The following DMD variants were observed in gnomAD, a reference collection of about 807,000 sequenced individuals.
DMD encodes dystrophin.
Under a neutral mutation model 330.1 loss-of-function variants are expected in DMD, and 63 were observed. That is an observed-to-expected ratio of 0.19 (90% CI 0.16 to 0.24). The LOEUF is 0.24. DMD is among the 10% of genes least tolerant of loss of function. The pLI is 1.00. For synonymous variants in DMD, 1,223 were observed against 959.8 expected (o/e 1.27, Z -5.07); for missense variants, 3,344 against 2,684.1 (o/e 1.25, Z -5.43).
intron 63 of DMD, among the ~76,000 whole-genome samples, chrX:31,231,398 G>A (rs1453139819): frequency 9.0e-6 from 1 of 111,432 alleles, no homozygotes; most frequent in Non-Finnish European, 1.9e-5. Context: ...TCTTTAGGCA[G>A]AACTGTTTTA....
At chrX:32,896,793 A>G (rs1444951409) in intron 2 of DMD, among the ~76,000 whole-genome samples, 1 of 112,692 alleles carries the variant, frequency 8.9e-6, no homozygotes, top group Non-Finnish European at 1.9e-5. Flanking sequence ...GCCACATTAA[A>G]TGCATTATCA....
At chrX:31,240,486 T>A in intron 63 of DMD, among the ~76,000 whole-genome samples, 1 of 111,682 alleles carries the variant, frequency 9.0e-6, no homozygotes, top group Admixed American at 9.5e-5. Context: ...AATGATTGAG[T>A]ATTAAATCTA....
intron 63 of DMD, among the ~76,000 whole-genome samples, chrX:31,242,764 C>T (rs12389886): frequency 0.23 from 24,853 of 107,257 alleles, 2,261 homozygotes; most frequent in East Asian, 0.47. Context: ...TATAAGCCTT[C>T]AGTCATTCCA....
At chrX:32,519,485 G>C (rs140138872) in intron 17 of DMD, among the ~76,000 whole-genome samples, 1,671 of 110,894 alleles carry the variant, frequency 0.015, 37 homozygotes, top group African/African-American at 0.052. Context: ...TGTTATCTTA[G>C]TTTCCTTAAA....
At chrX:32,474,218 C>CACACAA (rs1489919738) in intron 21 of DMD, among the ~76,000 whole-genome samples, 3 of 109,620 alleles carry the variant, frequency 2.7e-5, no homozygotes, top group African/African-American at 9.9e-5. Context: ...TACACACACA[C>CACACAA]ACACACACAC....
chrX:32,428,535 A>C (rs748001414), intron 29 of DMD, among the ~76,000 whole-genome samples: 1 of 111,816 alleles, frequency 8.9e-6, no homozygotes, highest in East Asian at 2.8e-4. Context: ...CACCATGCTG[A>C]TATAGTTGTG....
chrX:32,827,186 CG>C (rs1190637000), intron 4 of DMD, among the ~76,000 whole-genome samples: 6 of 108,358 alleles, frequency 5.5e-5, no homozygotes, highest in Non-Finnish European at 1.1e-4. Context: ...CTGTGTCTCA[CG>C]GAAGCCCAAG....
chrX:32,391,595 CTTATT>C (rs775306329), intron 30 of DMD, among the ~76,000 whole-genome samples: 1 of 112,140 alleles, frequency 8.9e-6, no homozygotes, highest in Non-Finnish European at 1.9e-5. Context: ...ATAAATGTAT[CTTATT>C]TTATTACCAT....
intron 7 of DMD, among the ~76,000 whole-genome samples, chrX:32,773,331 T>C (rs2073821040): frequency 9.0e-6 from 1 of 111,236 alleles, no homozygotes; most frequent in Admixed American, 9.6e-5. Context: ...TTTTGATACA[T>C]GAATACAACA....
Position 33,000,931 on chromosome X carries a change from T to G in DMD, c.93+19208A>C, listed in dbSNP as rs183525522. Among the ~76,000 whole-genome samples the G allele has an allele frequency of 5.8e-3, 646 of 111,352 alleles. 5 individuals carry two copies. The highest frequency in any genetic ancestry group is 8.9e-3 in the Non-Finnish European group (473 of 53,055). On this transcript the variant is annotated intron_variant, in intron 2 of 78. Coordinates refer to ENST00000357033, the MANE Select transcript of DMD (RefSeq NM_004006.3). Reference sequence around the variant, plus strand: ...TCTTTCTATTCTACTACATCTACCATTCATTTCTTCATCATTAATTATTCT... The same window carrying G: ...TCTTTCTATTCTACTACATCTACCAGTCATTTCTTCATCATTAATTATTCT...
chrX:31,769,257 T>C (rs1165982435), intron 51 of DMD, among the ~76,000 whole-genome samples: 5 of 112,182 alleles, frequency 4.5e-5, no homozygotes, highest in Non-Finnish European at 9.4e-5. Context: ...AAATGTCTCA[T>C]TGCATTATCT....
At position 33,051,887 on chromosome X, in the gene DMD, G is replaced by A. The variant is rs981925081; in HGVS notation, c.32-31687C>T. 2.7e-5 allele frequency among the ~76,000 whole-genome samples: 3 copies of A among 110,183 alleles called. No homozygotes were observed. In the South Asian group the frequency reaches 1.2e-3, roughly 42 times the overall value. On this transcript the variant is annotated intron_variant, in intron 1 of 78. Transcript: ENST00000357033. ...CAGTCTCGAACTCCTGACCTCAGGT[G>A]ATCTGCCCGCCTCGGCCTCCCAAAG...
intron 44 of DMD, among the ~76,000 whole-genome samples, chrX:32,214,547 G>C (rs1461197628): frequency 1.8e-5 from 2 of 111,679 alleles, no homozygotes; most frequent in African/African-American, 3.3e-5. Flanking sequence ...AATCACCAGA[G>C]CTCACACGTG....
chrX:33,274,600 T>C (rs1373064548), intron 1 of DMD, among the ~76,000 whole-genome samples: 1 of 112,174 alleles, frequency 8.9e-6, no homozygotes, highest in Non-Finnish European at 1.9e-5. Flanking sequence ...TTAGCTAAAA[T>C]AAGGTTCTGT....
At chrX:32,434,995 T>C (rs2098253888) in intron 29 of DMD, among the ~76,000 whole-genome samples, 2 of 101,117 alleles carry the variant, frequency 2.0e-5, no homozygotes, top group Non-Finnish European at 2.1e-5. Flanking sequence ...GGACTGATAA[T>C]AGTTTCAAGT....
intron 54 of DMD, among the ~76,000 whole-genome samples, chrX:31,643,617 T>C (rs1265732891): frequency 1.8e-5 from 2 of 112,062 alleles, no homozygotes; most frequent in Admixed American, 9.5e-5. Flanking sequence ...TCAAATGATA[T>C]AAGAATAATA....
intron 63 of DMD, among the ~76,000 whole-genome samples, chrX:31,240,595 T>C (rs1476830427): frequency 8.9e-6 from 1 of 111,806 alleles, no homozygotes; most frequent in East Asian, 2.8e-4. Flanking sequence ...ATGGAAAAAC[T>C]ACTGGGTAGA....
chrX:32,376,841 A>T (rs1159105638), intron 34 of DMD, among the ~76,000 whole-genome samples: 1 of 111,139 alleles, frequency 9.0e-6, no homozygotes, highest in Non-Finnish European at 1.9e-5. Context: ...ATTGCTTTTG[A>T]TTTTAATGTT....
chrX:32,573,220 A>G (rs2052629331), intron 15 of DMD, among the ~76,000 whole-genome samples: 1 of 111,948 alleles, frequency 8.9e-6, no homozygotes, highest in Admixed American at 9.5e-5. Context: ...TTTTTTTAGA[A>G]CTATGCTGCT....
Sources: allele counts gnomAD v4.1 joint callset (sites outside exome capture counted in the v4.1 genomes callset), GRCh38; gene constraint gnomAD v4.1.1; transcripts MANE v1.5; gene names NCBI Gene and HGNC (gene_info 2026-07-23, HGNC 2026-07-21).